Variants in RBM46 observed in about 807,000 individuals in gnomAD.
RBM46 encodes probable RNA-binding protein 46.
Under a neutral mutation model 43.3 loss-of-function variants are expected in RBM46, and 12 were observed. The ratio of observed to expected loss-of-function variants is 0.28; its 90% confidence interval spans 0.18 to 0.45. RBM46 has a LOEUF of 0.45. RBM46 is among the 20% of genes least tolerant of loss of function. The pLI is 1.00. For synonymous variants in RBM46, 205 were observed against 207.6 expected (o/e 0.99, Z 0.11); for missense variants, 412 against 639.1 (o/e 0.64, Z 3.83).
intron 4 of RBM46, among the ~76,000 whole-genome samples, chr4:154,803,144 A>T (rs1053148127): frequency 1.3e-5 from 2 of 152,206 alleles, no homozygotes; most frequent in Non-Finnish European, 2.9e-5. Context: ...TGATCTTACT[A>T]GCATCTCAAA....
At chr4:154,807,753 C>T (rs898200888) in intron 4 of RBM46, among the ~76,000 whole-genome samples, 7 of 151,866 alleles carry the variant, frequency 4.6e-5, no homozygotes, top group Non-Finnish European at 1.0e-4. Flanking sequence ...ACCTTAGTAT[C>T]CCCAAATAAT....
intron 1 of RBM46, among the ~76,000 whole-genome samples, chr4:154,786,085 A>G (rs1015213892): frequency 1.3e-5 from 2 of 152,166 alleles, no homozygotes; most frequent in East Asian, 1.9e-4. Context: ...TGCTCAGTCA[A>G]TCCTTATCTT....
chr4:154,801,771 A>G (rs1734649940), intron 4 of RBM46, among the ~76,000 whole-genome samples: 2 of 152,236 alleles, frequency 1.3e-5, no homozygotes, highest in Admixed American at 1.3e-4. Flanking sequence ...TCTATATGGA[A>G]GCAGAGCTTT....
At chr4:154,827,804 C>T in intron 4 of RBM46, 64 bp from the exon 5 acceptor site, 1 of 1,601,250 alleles carries the variant, frequency 6.2e-7, no homozygotes, top group South Asian at 1.1e-5. Flanking sequence ...AATGCTTTGT[C>T]TCTTTAAATT....
At chr4:154,815,568 A>G (rs1735395178) in intron 4 of RBM46, among the ~76,000 whole-genome samples, 1 of 152,004 alleles carries the variant, frequency 6.6e-6, no homozygotes, top group African/African-American at 2.4e-5. Flanking sequence ...GATATTGATC[A>G]TCTTAGGAGG....
Position 154,808,993 on chromosome 4 carries a change from C to G in RBM46, c.1402+9429C>G, listed in dbSNP as rs114029501. 3.8e-3 allele frequency among the ~76,000 whole-genome samples: 570 copies of G among 151,984 alleles called. 2 individuals are homozygous for G. Among genetic ancestry groups the G allele is most frequent in the Middle Eastern group, 0.014 (4 of 292 alleles). The stretch of plus-strand genomic sequence containing the variant: ...CACTGTGAAGGCACTCACTTAGTTT[C>G]GGAGAGGGATTTACAAATGAGATAG... On this transcript the variant is annotated intron_variant, in intron 4 of 4. Coordinates refer to ENST00000281722, the MANE Select transcript of RBM46 (RefSeq NM_144979.5).
intron 4 of RBM46, among the ~76,000 whole-genome samples, chr4:154,813,260 G>A (rs2111185986): frequency 6.6e-6 from 1 of 152,302 alleles, no homozygotes; most frequent in South Asian, 2.1e-4. Context: ...ATTATGAATG[G>A]TGGTTAATGG....
At chr4:154,803,193 A>G (rs570612377) in intron 4 of RBM46, among the ~76,000 whole-genome samples, 4 of 152,270 alleles carry the variant, frequency 2.6e-5, no homozygotes, top group African/African-American at 9.6e-5. Flanking sequence ...AATTTTTAAA[A>G]TATTTAGGTG....
At chr4:154,826,903 T>C (rs1038917097) in intron 4 of RBM46, 10 of 1,395,268 alleles carry the variant, frequency 7.2e-6, no homozygotes, top group African/African-American at 4.4e-5. Context: ...GACAGTATTA[T>C]AGAAAAAAAC....
At chr4:154,827,019 T>C in intron 4 of RBM46, 1 of 1,241,378 alleles carries the variant, frequency 8.1e-7, no homozygotes, top group Non-Finnish European at 1.0e-6. Context: ...TTGGCTTATT[T>C]TACACTAAAG....
In RBM46 at chr4:154,799,020, T is replaced by G. The variant is rs746207980; in HGVS notation, c.858T>G (p.Ala286=). ...VHFFNREDAV[A]AMSVMNGKCI... ...TTTTCAACCGAGAAGATGCAGTGGC[T>G]GCCATGTCTGTTATGAATGGAAAAT... Residue 286 remains alanine (A), a synonymous_variant, in exon 4 of 5, where the codon GCT becomes GCG. Transcript: ENST00000281722. 1 of 1,614,126 alleles carries G rather than the reference T, an allele frequency of 6.2e-7. No homozygotes were observed. Among genetic ancestry groups the G allele is most frequent in the Non-Finnish European group, 8.5e-7 (1 of 1,180,012 alleles).
intron 4 of RBM46, among the ~76,000 whole-genome samples, chr4:154,813,738 T>G (rs1448879704): frequency 6.6e-6 from 1 of 152,054 alleles, no homozygotes; most frequent in Non-Finnish European, 1.5e-5. Flanking sequence ...GATGGTGGTG[T>G]TCCTTTCAGT....
chr4:154,813,970 C>G (rs2111188306), intron 4 of RBM46, among the ~76,000 whole-genome samples: 1 of 152,048 alleles, frequency 6.6e-6, no homozygotes, highest in East Asian at 1.9e-4. Flanking sequence ...GTAAAATCTT[C>G]AAAGATATAG....
At chr4:154,814,937 A>G (rs541401978) in intron 4 of RBM46, among the ~76,000 whole-genome samples, 1 of 151,690 alleles carries the variant, frequency 6.6e-6, no homozygotes, top group African/African-American at 2.4e-5. Flanking sequence ...ATGAGGGACT[A>G]TGTCGGTATA....
intron 1 of RBM46, chr4:154,787,147 A>T (rs1441599283): frequency 6.6e-6 from 1 of 152,142 alleles, no homozygotes; most frequent in Non-Finnish European, 1.5e-5. Flanking sequence ...GCCAAGATCA[A>T]GTATAGTATG....
chr4:154,784,657 C>T (rs1458344012), intron 1 of RBM46, among the ~76,000 whole-genome samples: 3 of 152,154 alleles, frequency 2.0e-5, no homozygotes, highest in African/African-American at 7.2e-5. Flanking sequence ...CTTTTAATTT[C>T]TCATTCCCAC....
At chr4:154,800,620 C>T (rs962412707) in intron 4 of RBM46, among the ~76,000 whole-genome samples, 6 of 148,268 alleles carry the variant, frequency 4.0e-5, no homozygotes, top group African/African-American at 7.4e-5. Context: ...CCCTCCTCCA[C>T]CCCCCAAAAC....
At chr4:154,808,939 G>T (rs1019091616) in intron 4 of RBM46, among the ~76,000 whole-genome samples, 5 of 151,730 alleles carry the variant, frequency 3.3e-5, no homozygotes, top group African/African-American at 1.2e-4. Context: ...AGGGAAAGAG[G>T]CAATACTAAG....
At chr4:154,791,311 C>T (rs781306946) in intron 1 of RBM46, among the ~76,000 whole-genome samples, 9 of 152,152 alleles carry the variant, frequency 5.9e-5, no homozygotes, top group Non-Finnish European at 1.0e-4. Flanking sequence ...TTTTAATCAC[C>T]TCTGGAACAA....
Sources: allele counts gnomAD v4.1 joint callset (sites outside exome capture counted in the v4.1 genomes callset), GRCh38; gene constraint gnomAD v4.1.1; transcripts MANE v1.5; gene names NCBI Gene and HGNC (gene_info 2026-07-23, HGNC 2026-07-21).